The following TONSL variants were observed in gnomAD, a reference collection of about 807,000 sequenced individuals.
TONSL encodes the protein tonsoku like, DNA repair protein, also known as tonsoku-like protein.
In TONSL, 112 loss-of-function variants were observed where a neutral mutation model predicts 147.1. That is an observed-to-expected ratio of 0.76 (90% confidence interval 0.65 to 0.89). The LOEUF is 0.89. Ranked by LOEUF, TONSL falls within the 40% of genes least tolerant of loss-of-function variation. The pLI is 0.00. For synonymous variants in TONSL, 868 were observed against 801.5 expected, an observed-to-expected ratio of 1.08 and a Z score of -1.40; for missense variants, 1,883 against 1,864.6, an observed-to-expected ratio of 1.01 and a Z score of -0.18.
intron 4 of TONSL, 108 bp from the exon 5 acceptor site, chr8:144,442,914 C>T: frequency 7.0e-7 from 1 of 1,432,742 alleles, no homozygotes; most frequent in Non-Finnish European, 9.3e-7. Flanking sequence ...CCTCCCTCCT[C>T]CCGAGGTGGG....
rs149978949 is a variant in TONSL at position 144,442,279 on chromosome 8, G to A, written c.712C>T (p.Arg238Trp). 2.9e-4 allele frequency: 463 copies of A among 1,595,458 alleles called. 1 individual carries two copies. Among genetic ancestry groups the A allele is most frequent in the African/African-American group, 1.7e-3 (124 of 74,700 alleles). ...ACGCAGCACTCGCTCTCCATGAACC[G>A]CTTCCTCATGGTGTGCGCACACTCC... The part of the protein sequence containing the change: ...ARECAHTMRK[R>W]FMESECCVVI... Residue 238 changes from arginine to tryptophan, a missense_variant, in exon 6 of 26, where the codon CGG (arginine) becomes TGG (tryptophan). Transcript: ENST00000409379.
rs2129685007 is a variant in TONSL, at chr8:144,441,012, G to A, written c.965C>T (p.Ser322Phe). 3.1e-6 allele frequency: 5 copies of A among 1,613,158 alleles called. No homozygotes were observed. The highest frequency in any genetic ancestry group is 4.2e-6 in the Non-Finnish European group (5 of 1,179,990). Reference protein sequence around the residue: ...VICEQLGDLFSKAGDFPRAAE... With the variant: ...VICEQLGDLFFKAGDFPRAAE... ...TGCCCTGGGAAAGTCTCCTGCCTTG[G>A]AGAAGAGGTCCCCTAGCTGCTCACA... The change falls in exon 8 of 26, where the codon TCC becomes TTC. Residue 322 changes from serine to phenylalanine, a missense_variant. Physicochemically the swap from Ser to Phe is radical, Grantham distance 155 (BLOSUM62 -2). Transcript: ENST00000409379.
chr8:144,435,651 T>C lies in TONSL; in HGVS notation c.2775+7A>G. On this transcript the variant is annotated splice_region_variant and intron_variant, in intron 17 of 25. Transcript: ENST00000409379. The stretch of plus-strand genomic sequence containing the variant: ...GAGAGGGCTCTGCTCCAGGTCTGCA[T>C]ACCCACCAAGGGCTGGCCTGCCGCA... The C allele has an allele frequency of 6.3e-7, 1 of 1,596,104 alleles. No homozygotes were observed. The highest frequency in any genetic ancestry group is 8.6e-7 in the Non-Finnish European group (1 of 1,167,566).
chr8:144,442,984 G>GA, intron 4 of TONSL, 154 bp downstream of exon 4: 1 of 1,226,510 alleles, frequency 8.2e-7, no homozygotes, highest in Non-Finnish European at 1.1e-6. Context: ...ATCTCCAGGG[G>GA]AAAGGTTGAG....
At chr8:144,439,853 T>A in intron 11 of TONSL, 168 bp downstream of exon 11, 1 of 562,326 alleles carries the variant, frequency 1.8e-6, no homozygotes, top group South Asian at 2.4e-5. Flanking sequence ...CCAGGCTCCC[T>A]GCGGGTCACC....
intron 23 of TONSL, 49 bp downstream of exon 23, chr8:144,432,236 C>T: frequency 6.3e-7 from 1 of 1,598,052 alleles, no homozygotes; most frequent in Non-Finnish European, 8.5e-7. Context: ...ACCCTGGGAC[C>T]TTTGGCCTCT....
At chr8:144,431,824 T>TTTTC (rs200496181) in intron 23 of TONSL, among the ~76,000 whole-genome samples, 1 of 134,636 alleles carries the variant, frequency 7.4e-6, no homozygotes, top group Non-Finnish European at 1.6e-5. Flanking sequence ...GTTTTTTTCT[T>TTTTC]TTTCTTTCTT....
chr8:144,438,927 G>C, intron 11 of TONSL, 192 bp from the exon 12 acceptor site: 1 of 634,824 alleles, frequency 1.6e-6, no homozygotes, highest in Non-Finnish European at 2.8e-6. Context: ...CCCTGACCCT[G>C]CTGGGACCCT....
intron 11 of TONSL, among the ~76,000 whole-genome samples, chr8:144,439,067 C>T (rs573942538): frequency 8.5e-5 from 13 of 152,138 alleles, no homozygotes; most frequent in Admixed American, 6.5e-5. Flanking sequence ...CTCATCCCCA[C>T]GCCCAGACCG....
intron 25 of TONSL, among the ~76,000 whole-genome samples, chr8:144,429,876 G>C (rs1280625013): frequency 6.6e-6 from 1 of 152,164 alleles, no homozygotes; most frequent in Non-Finnish European, 1.5e-5. Flanking sequence ...TCCCCTGGAG[G>C]GCACAGCCTG....
Position 144,441,843 on chromosome 8 carries a change from A to C in TONSL, c.865+194T>G. On this transcript the variant is annotated intron_variant, in intron 7 of 25. Transcript: ENST00000409379. ...CTGACACACTGTGTTGAGCTCAGAG[A>C]AAAAAGGGGGTCTTCTCCTGTCAGG... is the stretch of plus-strand genomic sequence containing the variant. 5.3e-6 allele frequency: 3 copies of C among 561,886 alleles called. No homozygotes were observed. In the South Asian group the frequency reaches 6.5e-5, roughly 12 times the overall value. 34.8% of individuals were successfully genotyped at this position (561,886 alleles called of 1,614,324 possible). A position where few individuals can be genotyped will look rare whatever the true frequency, so the allele number is the denominator to read the frequency against.
intron 19 of TONSL, 34 bp downstream of exon 19, chr8:144,434,983 G>A: frequency 1.2e-6 from 2 of 1,611,616 alleles, no homozygotes; most frequent in Non-Finnish European, 1.7e-6. Flanking sequence ...CCCGGTGCCT[G>A]AGGCCCTGGC....
At chr8:144,434,749 G>A in intron 20 of TONSL, 62 bp downstream of exon 20, 1 of 1,555,182 alleles carries the variant, frequency 6.4e-7, no homozygotes, top group Non-Finnish European at 8.7e-7. Context: ...GGCTGGTGGA[G>A]CCTGTGTGCC....
In TONSL at chr8:144,442,330, C is replaced by A. The variant is rs755378903; in HGVS notation, c.661G>T (p.Ala221Ser). 1 of 1,596,474 alleles carries A rather than the reference C, an allele frequency of 6.3e-7. No homozygotes were observed. Among genetic ancestry groups the A allele is most frequent in the East Asian group, 2.3e-5 (1 of 44,432 alleles). ...IHWRAGQHSQAMRCLEGAREC... is the reference protein window; with the variant it reads ...IHWRAGQHSQSMRCLEGAREC... The stretch of plus-strand genomic sequence containing the variant: ...CGGGCACCCTCCAAGCAGCGCATAG[C>A]CTGGGAGTGCTGGCCCGCGCGCCAG... The change falls in exon 6 of 26, where the codon GCT (alanine) becomes TCT (serine). Residue 221 changes from alanine (A) to serine (S), a missense_variant. Physicochemically the swap from Ala to Ser is moderately conservative, Grantham distance 99 (BLOSUM62 1). Coordinates refer to ENST00000409379, the MANE Select transcript of TONSL (RefSeq NM_013432.5).
At position 144,444,242 on chromosome 8, in the gene TONSL, G is replaced by T; in HGVS notation, c.59C>A (p.Ala20Asp). 6.9e-7 allele frequency: 1 copy of T among 1,456,100 alleles called. No homozygotes were observed. The highest frequency in any genetic ancestry group is 1.3e-5 in the South Asian group (1 of 75,668). 90.2% of individuals were successfully genotyped at this position (1,456,100 alleles called of 1,614,324 possible). A position where few individuals can be genotyped will look rare whatever the true frequency, so the allele number is the denominator to read the frequency against. ...LSKAKAKAQR[A>D]GQRREEAALC... Reference sequence around the variant, plus strand: ...CGCGGCCTCTTCGCGCCGCTGCCCGGCCCTCTGCGCCTTGGCTTTCGCCTT... The same window carrying T: ...CGCGGCCTCTTCGCGCCGCTGCCCGTCCCTCTGCGCCTTGGCTTTCGCCTT... The change falls in exon 2 of 26, where the codon GCC (alanine) becomes GAC (aspartate). Residue 20 changes from alanine to aspartate, a missense_variant. Physicochemically the swap from Ala to Asp is moderately radical, Grantham distance 126. Coordinates refer to ENST00000409379, the MANE Select transcript of TONSL (RefSeq NM_013432.5).
chr8:144,435,973 G>C lies in TONSL; in HGVS notation c.2460C>G (p.Pro820=), dbSNP rs767290769. 1.3e-6 allele frequency: 2 copies of C among 1,555,164 alleles called. No homozygotes were observed. Among genetic ancestry groups the C allele is most frequent in the Non-Finnish European group, 8.7e-7 (1 of 1,151,002 alleles). Residue 820 remains proline (P), a synonymous_variant, in exon 17 of 26, where the codon CCC becomes CCG. Transcript: ENST00000409379. Reference sequence around the variant, plus strand: ...CCTCCTCCGGGATGAGCGCTGCCTGGGGGGCAAGGGCTTTGCTGTGGCCCC... The same window carrying C: ...CCTCCTCCGGGATGAGCGCTGCCTGCGGGGCAAGGGCTTTGCTGTGGCCCC... ...PPRGHSKALA[P]QAALIPEEEC...
intron 20 of TONSL, 63 bp downstream of exon 20, chr8:144,434,748 A>C: frequency 6.4e-7 from 1 of 1,553,198 alleles, no homozygotes; most frequent in South Asian, 1.2e-5. Context: ...GGGCTGGTGG[A>C]GCCTGTGTGC....
Position 144,434,069 on chromosome 8 carries a change from C to A in TONSL, c.3296G>T (p.Ser1099Ile). 6.2e-7 allele frequency: 1 copy of A among 1,612,318 alleles called. No individual in the cohort carries two copies. The highest frequency in any genetic ancestry group is 8.5e-7 in the Non-Finnish European group (1 of 1,179,606). Reference protein sequence around the residue: ...ELVAALGTMPSLALLDLSSNH... With the variant: ...ELVAALGTMPILALLDLSSNH... Reference sequence around the variant, plus strand: ...GGAGGAGAGGTCAAGGAGGGCCAGGCTGGGCATGGTGCCCAGGGCAGCCAC... The same window carrying A: ...GGAGGAGAGGTCAAGGAGGGCCAGGATGGGCATGGTGCCCAGGGCAGCCAC... Residue 1099 changes from serine (S) to isoleucine (I), a missense_variant, in exon 21 of 26, where the codon AGC becomes ATC. Physicochemically the swap from Ser to Ile is moderately radical, Grantham distance 142 (BLOSUM62 -2). Coordinates refer to ENST00000409379, the MANE Select transcript of TONSL (RefSeq NM_013432.5).
At chr8:144,439,289 C>T (rs1383896585) in intron 11 of TONSL, among the ~76,000 whole-genome samples, 1 of 152,160 alleles carries the variant, frequency 6.6e-6, no homozygotes, top group African/African-American at 2.4e-5. Flanking sequence ...TGGGTCTTTC[C>T]GCAGCTCCTC....
Sources: allele counts gnomAD v4.1 joint callset (sites outside exome capture counted in the v4.1 genomes callset), GRCh38; gene constraint gnomAD v4.1.1; transcripts MANE v1.5; gene names NCBI Gene and HGNC (gene_info 2026-07-23, HGNC 2026-07-21).